The following DOCK3 variants were observed in gnomAD, a reference collection of about 807,000 sequenced individuals.
DOCK3 encodes dedicator of cytokinesis protein 3.
A neutral mutation model predicts 265.6 loss-of-function variants in DOCK3; 60 were observed. The ratio of observed to expected loss-of-function variants is 0.23; its 90% CI spans 0.18 to 0.28. The LOEUF (loss-of-function observed/expected upper bound fraction) is 0.28, where lower values mean the gene tolerates loss of function less well. Ranked by LOEUF, DOCK3 falls within the 10% of genes least tolerant of loss-of-function variation. DOCK3 has a pLI of 1.00. For missense variants in DOCK3, 1,981 were observed against 2,594.3 expected (o/e 0.76, Z 5.14); for synonymous variants, 881 against 938.0 (o/e 0.94, Z 1.11).
intron 2 of DOCK3, among the ~76,000 whole-genome samples, chr3:50,800,844 A>G (rs529314064): frequency 6.6e-6 from 1 of 151,778 alleles, no homozygotes; most frequent in South Asian, 2.1e-4. Flanking sequence ...TGTGTTCCCT[A>G]GCTTTTGGGA....
chr3:51,380,257 G>A (rs782572529), intron 52 of DOCK3, 50 bp downstream of exon 52: 54 of 1,535,964 alleles, frequency 3.5e-5, no homozygotes, highest in South Asian at 1.6e-4. Context: ...GAGTCATCTC[G>A]TCTGCTCTAG....
At chr3:50,974,732 G>A (rs1286519300) in intron 5 of DOCK3, among the ~76,000 whole-genome samples, 1 of 121,620 alleles carries the variant, frequency 8.2e-6, no homozygotes, top group South Asian at 3.4e-4. Flanking sequence ...ACCTTGGGCA[G>A]TATGGCCATT....
rs145460602 is a variant in DOCK3 at position 50,906,191 on chromosome 3, C to T, written c.218+16110C>T. On this transcript the variant is annotated intron_variant, in intron 4 of 52. Coordinates refer to ENST00000266037, the MANE Select transcript of DOCK3 (RefSeq NM_004947.5). Reference sequence around the variant, plus strand: ...AGTATTTTATTGAGGATTTTTGCATCGATGTTCATCAGGAATATTGGTCTA... The same window carrying T: ...AGTATTTTATTGAGGATTTTTGCATTGATGTTCATCAGGAATATTGGTCTA... 7.7e-4 allele frequency among the ~76,000 whole-genome samples: 117 copies of T among 152,076 alleles called. 2 individuals are homozygous for T. In the East Asian group the frequency reaches 0.02, roughly 26 times the overall value.
At chr3:51,240,375 T>C (rs531176462) in intron 21 of DOCK3, among the ~76,000 whole-genome samples, 1 of 152,340 alleles carries the variant, frequency 6.6e-6, no homozygotes, top group Non-Finnish European at 1.5e-5. Context: ...TTTTAGACTA[T>C]GTGCCATGTG....
chr3:51,021,916 C>T (rs186852684), intron 5 of DOCK3, among the ~76,000 whole-genome samples: 1 of 152,242 alleles, frequency 6.6e-6, no homozygotes, highest in Admixed American at 6.5e-5. Flanking sequence ...CTGCCTCGGC[C>T]TCCCTAAGTG....
intron 33 of DOCK3, 54 bp downstream of exon 33, chr3:51,330,277 C>A: frequency 6.6e-7 from 1 of 1,522,078 alleles, no homozygotes; most frequent in South Asian, 1.2e-5. Context: ...TGAAGTGGGC[C>A]AATGAAAAGT....
At chr3:50,989,192 G>C (rs1448215230) in intron 5 of DOCK3, among the ~76,000 whole-genome samples, 1 of 152,124 alleles carries the variant, frequency 6.6e-6, no homozygotes, top group East Asian at 1.9e-4. Flanking sequence ...TGATTGCACA[G>C]AGTAATTGCT....
At position 51,339,032 on chromosome 3, in the gene DOCK3, A is replaced by T. The variant is rs770297009; in HGVS notation, c.3766+4A>T. 2.7e-5 allele frequency: 42 copies of T among 1,580,042 alleles called. No individual in the cohort carries two copies. Among genetic ancestry groups the T allele is most frequent in the Non-Finnish European group, 3.6e-5 (42 of 1,164,324 alleles). ...TTGCAGGCCGAAAACTACACAGGTA[A>T]GTGGGGAGAAGAGAGAGCCATGCCT... On this transcript the variant is annotated splice_donor_region_variant and intron_variant, in intron 37 of 52. Coordinates refer to ENST00000266037, the MANE Select transcript of DOCK3 (RefSeq NM_004947.5).
chr3:51,333,375 G>A, intron 35 of DOCK3, 122 bp downstream of exon 35: 1 of 996,682 alleles, frequency 1.0e-6, no homozygotes, highest in Non-Finnish European at 1.6e-6. Flanking sequence ...TGTGATATTG[G>A]GTGCCATCAC....
chr3:51,225,609 C>T, intron 14 of DOCK3, 40 bp from the exon 15 acceptor site: 1 of 1,589,792 alleles, frequency 6.3e-7, no homozygotes, highest in Non-Finnish European at 8.6e-7. Context: ...GGCAGTATGG[C>T]TTCTGGAGTC....
intron 14 of DOCK3, among the ~76,000 whole-genome samples, chr3:51,215,184 T>C (rs1157132011): frequency 6.6e-6 from 1 of 152,214 alleles, no homozygotes; most frequent in African/African-American, 2.4e-5. Context: ...CTTGGCTCAC[T>C]GCAAACTCCA....
intron 2 of DOCK3, among the ~76,000 whole-genome samples, chr3:50,820,618 A>G (rs911198846): frequency 1.3e-5 from 2 of 152,186 alleles, no homozygotes; most frequent in Non-Finnish European, 2.9e-5. Context: ...TATTGTGAAT[A>G]GTGCAGTGAT....
chr3:50,857,039 T>C (rs933155688), intron 3 of DOCK3, among the ~76,000 whole-genome samples: 1 of 152,194 alleles, frequency 6.6e-6, no homozygotes. Context: ...TGATAGTGAT[T>C]AATTATCTTT....
chr3:51,327,252 A>C (rs2084188552), intron 32 of DOCK3, among the ~76,000 whole-genome samples: 1 of 152,204 alleles, frequency 6.6e-6, no homozygotes, highest in Non-Finnish European at 1.5e-5. Context: ...GTAGGCTCAT[A>C]GAGATGAAAA....
chr3:50,882,562 A>G lies in DOCK3; in HGVS notation c.163-7464A>G, dbSNP rs1371031563. ...CAGAGAAATGCAAATCAAAACCACA[A>G]TGAGATCCCATCACACACCAGTTAG... On this transcript the variant is annotated intron_variant, in intron 3 of 52. Transcript: ENST00000266037. 6.6e-5 allele frequency among the ~76,000 whole-genome samples: 10 copies of G among 152,342 alleles called. No individual in the cohort carries two copies. In the East Asian group the frequency reaches 1.4e-3, roughly 21 times the overall value.
chr3:50,741,676 G>T (rs1394222195), intron 1 of DOCK3, among the ~76,000 whole-genome samples: 5 of 150,176 alleles, frequency 3.3e-5, no homozygotes, highest in African/African-American at 1.2e-4. Flanking sequence ...GTCTATCATT[G>T]TTGGACATTT....
At chr3:51,035,393 T>C (rs977736197) in intron 5 of DOCK3, among the ~76,000 whole-genome samples, 1 of 152,184 alleles carries the variant, frequency 6.6e-6, no homozygotes, top group Non-Finnish European at 1.5e-5. Flanking sequence ...AAATTTCTCA[T>C]ACTGTGTTTC....
At position 51,291,954 on chromosome 3, in the gene DOCK3, A is replaced by G. The variant is rs2081803828; in HGVS notation, c.2922+11750A>G. Reference sequence around the variant, plus strand: ...AAGGTTGGTTCAACATACTCAGATCAATAAATGTGATTCACCATATTAACA... The same window carrying G: ...AAGGTTGGTTCAACATACTCAGATCGATAAATGTGATTCACCATATTAACA... On this transcript the variant is annotated intron_variant, in intron 27 of 52. Transcript: ENST00000266037. Among the ~76,000 whole-genome samples, 2 of 152,234 alleles carry G rather than the reference A, an allele frequency of 1.3e-5. 1 individual carries two copies. Among genetic ancestry groups the G allele is most frequent in the South Asian group, 4.1e-4 (2 of 4,830 alleles).
At chr3:51,330,703 T>A (rs1367136727) in intron 33 of DOCK3, among the ~76,000 whole-genome samples, 13 of 151,952 alleles carry the variant, frequency 8.6e-5, no homozygotes, top group Admixed American at 8.5e-4. Context: ...GTTTGTGGAA[T>A]GAGATGGTTG....
Sources: gnomAD v4.1 joint callset for allele counts (sites outside exome capture counted in the v4.1 genomes callset) on GRCh38, gnomAD v4.1.1 for gene constraint, MANE v1.5 for transcripts, NCBI Gene and HGNC (gene_info 2026-07-23, HGNC 2026-07-21) for gene names.